SPTLC2: variants seen among roughly 807,000 people sequenced by gnomAD.
SPTLC2 encodes serine palmitoyltransferase 2.
In SPTLC2, 21 loss-of-function variants were observed where a neutral mutation model predicts 62.0. The observed-to-expected ratio is 0.34, with a 90% CI of 0.24 to 0.49. SPTLC2 has a LOEUF of 0.49. Among genes scored for constraint, SPTLC2 ranks in the 20% least tolerant of loss-of-function variants. The pLI, the probability that SPTLC2 is intolerant of heterozygous loss-of-function variation, is 0.99. For synonymous variants in SPTLC2, 261 were observed against 261.8 expected (o/e 1.00, Z 0.03); for missense variants, 511 against 713.0 (o/e 0.72, Z 3.23).
intron 7 of SPTLC2, among the ~76,000 whole-genome samples, chr14:77,556,709 TA>T (rs1266857337): frequency 7.0e-6 from 1 of 142,414 alleles, no homozygotes; most frequent in African/African-American, 2.4e-5. Context: ...AAATATTTAT[TA>T]AAATTAAATG....
intron 1 of SPTLC2, among the ~76,000 whole-genome samples, chr14:77,610,929 TTTTG>T (rs761000774): frequency 4.1e-4 from 61 of 149,998 alleles, no homozygotes; most frequent in Non-Finnish European, 6.7e-4. Flanking sequence ...TTTTATTTAT[TTTTG>T]TTTGTTTGTT....
intron 11 of SPTLC2, among the ~76,000 whole-genome samples, chr14:77,514,901 G>A (rs566224248): frequency 2.0e-5 from 3 of 152,306 alleles, no homozygotes; most frequent in South Asian, 4.1e-4. Flanking sequence ...TGTAAGTTAT[G>A]TAGTCTTTGT....
chr14:77,518,654 C>A (rs1302928100), intron 10 of SPTLC2, among the ~76,000 whole-genome samples: 2 of 151,000 alleles, frequency 1.3e-5, no homozygotes, highest in Non-Finnish European at 2.9e-5. Context: ...TCAAAATGAA[C>A]CTGTATTTAA....
At chr14:77,525,001 T>TG (rs1160828429) in intron 9 of SPTLC2, among the ~76,000 whole-genome samples, 1 of 152,200 alleles carries the variant, frequency 6.6e-6, no homozygotes, top group Non-Finnish European at 1.5e-5. Flanking sequence ...AGAGCTGAAA[T>TG]GTTCTAAACA....
At chr14:77,573,209 A>C (rs944479273) in intron 4 of SPTLC2, among the ~76,000 whole-genome samples, 1 of 152,172 alleles carries the variant, frequency 6.6e-6, no homozygotes, top group Non-Finnish European at 1.5e-5. Flanking sequence ...GGGGAGATGA[A>C]GAAAAGCTGG....
chr14:77,543,331 TC>T (rs1160189303), intron 9 of SPTLC2, among the ~76,000 whole-genome samples: 1 of 152,124 alleles, frequency 6.6e-6, no homozygotes, highest in Non-Finnish European at 1.5e-5. Flanking sequence ...AATGGACCAT[TC>T]TACTGTCCTC....
In SPTLC2 at chr14:77,579,017, A is replaced by G. The variant is rs1442995421; in HGVS notation, c.420T>C (p.Ser140=). ...TGATGTCCACCCTGGCTCCAGGCAC[A>G]CTACAGATTGGCCGATTCCAGTTGT... ...IRDNWNRPIC[S]VPGARVDIME... is the part of the protein sequence containing the mutation. The change falls in exon 3 of 12, where the codon AGT becomes AGC. Residue 140 remains serine, a synonymous_variant. Coordinates refer to ENST00000216484, the MANE Select transcript of SPTLC2 (RefSeq NM_004863.4). 1.9e-6 allele frequency: 3 copies of G among 1,614,148 alleles called. No individual in the cohort carries two copies. In the African/African-American group the frequency reaches 4.0e-5, roughly 22 times the overall value.
chr14:77,533,287 C>T (rs940350970), intron 9 of SPTLC2, among the ~76,000 whole-genome samples: 10 of 126,448 alleles, frequency 7.9e-5, no homozygotes, highest in African/African-American at 1.9e-4. Flanking sequence ...GTGACAAGAG[C>T]GAAACTCCGT....
chr14:77,560,397 G>A (rs1039757201), intron 6 of SPTLC2, among the ~76,000 whole-genome samples: 4 of 152,016 alleles, frequency 2.6e-5, no homozygotes, highest in Admixed American at 2.0e-4. Flanking sequence ...ACCAGCCTGG[G>A]CAACATGGTG....
intron 1 of SPTLC2, among the ~76,000 whole-genome samples, chr14:77,615,997 T>C (rs868187891): frequency 9.2e-5 from 14 of 152,194 alleles, no homozygotes; most frequent in African/African-American, 3.1e-4. Flanking sequence ...CACCGCCTAA[T>C]TTTCTTTGCT....
chr14:77,615,846 C>A (rs1174197972), intron 1 of SPTLC2, among the ~76,000 whole-genome samples: 8 of 152,128 alleles, frequency 5.3e-5, no homozygotes. Context: ...AGTCTCACCA[C>A]CGGCAGAGTT....
At chr14:77,588,512 G>A (rs191792239) in intron 2 of SPTLC2, among the ~76,000 whole-genome samples, 15 of 143,378 alleles carry the variant, frequency 1.0e-4, no homozygotes, top group Middle Eastern at 3.6e-3. Flanking sequence ...GCAACAAGGC[G>A]AAACCCTGTC....
rs775771763 is a variant in SPTLC2, at chr14:77,555,451, T to C, written c.1025A>G (p.Tyr342Cys). ...ALKKKYKAYLYLDEAHSIGAL... is the reference protein window; with the variant it reads ...ALKKKYKAYLCLDEAHSIGAL... ...GCCAATGCTGTGAGCCTCATCCAGA[T>C]ACAAGTATGCCTTGTATTTCTTCTT... The change falls in exon 8 of 12, where the codon TAT becomes TGT. Residue 342 changes from tyrosine (Y) to cysteine (C), a missense_variant. Tyr to Cys is a radical substitution (Grantham distance 194). Coordinates refer to ENST00000216484, the MANE Select transcript of SPTLC2 (RefSeq NM_004863.4). 1 of 1,614,196 alleles carries C rather than the reference T, an allele frequency of 6.2e-7. No individual in the cohort carries two copies. Among genetic ancestry groups the C allele is most frequent in the Non-Finnish European group, 8.5e-7 (1 of 1,180,040 alleles).
intron 3 of SPTLC2, 65 bp downstream of exon 3, chr14:77,578,890 A>C (rs944957828): frequency 1.3e-6 from 2 of 1,549,636 alleles, no homozygotes; most frequent in Non-Finnish European, 1.8e-6. Flanking sequence ...TTATAATAAC[A>C]TATTTTCTCA....
At chr14:77,514,053 G>A (rs551307955) in intron 11 of SPTLC2, among the ~76,000 whole-genome samples, 12 of 151,580 alleles carry the variant, frequency 7.9e-5, no homozygotes, top group Non-Finnish European at 1.8e-4. Context: ...AAAAAAAATT[G>A]GCAGGCATAG....
intron 2 of SPTLC2, among the ~76,000 whole-genome samples, chr14:77,591,561 T>C (rs1051143262): frequency 2.0e-5 from 3 of 152,128 alleles, no homozygotes; most frequent in African/African-American, 7.2e-5. Context: ...CTCTTTATTT[T>C]TTATTCTTCT....
At chr14:77,555,620 CTTT>C (rs967283106) in intron 7 of SPTLC2, 101 bp from the exon 8 acceptor site, 14 of 1,039,128 alleles carry the variant, frequency 1.3e-5, no homozygotes, top group Non-Finnish European at 1.8e-5. Context: ...TTTACTGCTT[CTTT>C]TTTTTTTCTT....
intron 4 of SPTLC2, among the ~76,000 whole-genome samples, chr14:77,573,472 T>C (rs1359469186): frequency 6.7e-6 from 1 of 149,442 alleles, no homozygotes; most frequent in Non-Finnish European, 1.5e-5. Flanking sequence ...ATGTTATGTA[T>C]CAATAAAAAA....
chr14:77,535,383 G>A (rs1053009698), intron 9 of SPTLC2, among the ~76,000 whole-genome samples: 6 of 152,284 alleles, frequency 3.9e-5, no homozygotes, highest in Middle Eastern at 3.4e-3. Flanking sequence ...GACTTTAGGC[G>A]GGATGAGAAG....
Sources: allele counts gnomAD v4.1 joint callset (sites outside exome capture counted in the v4.1 genomes callset), GRCh38; gene constraint gnomAD v4.1.1; transcripts MANE v1.5; gene names NCBI Gene and HGNC (gene_info 2026-07-23, HGNC 2026-07-21).